KIRREL1: variants seen among roughly 807,000 people sequenced by gnomAD.
KIRREL1 encodes the protein kirre like nephrin family adhesion molecule 1, also known as kin of IRRE-like protein 1.
In KIRREL1, 25 loss-of-function variants were observed where a neutral mutation model predicts 83.3. The observed-to-expected ratio is 0.30, with a 90% CI of 0.22 to 0.42. The LOEUF (loss-of-function observed/expected upper bound fraction) is 0.42, where lower values mean the gene tolerates loss of function less well. Ranked by LOEUF, KIRREL1 falls within the 10% of genes least tolerant of loss-of-function variation. The pLI is 1.00. For synonymous variants in KIRREL1, 388 were observed against 410.4 expected, an observed-to-expected ratio of 0.95 and a Z score of 0.66; for missense variants, 812 against 1,032.3, an observed-to-expected ratio of 0.79 and a Z score of 2.92.
intron 1 of KIRREL1, among the ~76,000 whole-genome samples, chr1:158,042,060 G>A (rs537526435): frequency 9.2e-5 from 14 of 152,164 alleles, no homozygotes; most frequent in Non-Finnish European, 1.9e-4. Context: ...AACTTGTTCA[G>A]AGAACACTGT....
At position 158,078,088 on chromosome 1, in the gene KIRREL1, C is replaced by T; in HGVS notation, c.300C>T (p.Cys100=). Reference sequence around the variant, plus strand: ...TCTCTGACGACGCCTCTTACGAGTGCCAGGCCACGGAGGCCGCCCTGCGCT... The same window carrying T: ...TCTCTGACGACGCCTCTTACGAGTGTCAGGCCACGGAGGCCGCCCTGCGCT... The part of the protein sequence containing the change: ...AELSDDASYE[C]QATEAALRSR... Residue 100 remains cysteine, a synonymous_variant, in exon 3 of 15, where the codon TGC becomes TGT. Coordinates refer to ENST00000359209, the MANE Select transcript of KIRREL1 (RefSeq NM_018240.7). 6.2e-7 allele frequency: 1 copy of T among 1,614,138 alleles called. No homozygotes were observed. Among genetic ancestry groups the T allele is most frequent in the Non-Finnish European group, 8.5e-7 (1 of 1,180,012 alleles).
At chr1:158,010,361 A>ACCCC (rs1553236102) in intron 1 of KIRREL1, among the ~76,000 whole-genome samples, 3 of 51,560 alleles carry the variant, frequency 5.8e-5, no homozygotes, top group African/African-American at 1.4e-4. Flanking sequence ...ACACACACAC[A>ACCCC]CCCCACACAG....
At chr1:158,079,106 A>G (rs1661770039) in intron 3 of KIRREL1, among the ~76,000 whole-genome samples, 1 of 152,098 alleles carries the variant, frequency 6.6e-6, no homozygotes, top group Admixed American at 6.6e-5. Flanking sequence ...GACTCTGTCC[A>G]TCTGTGACTC....
chr1:158,008,026 G>GC (rs1187265952), intron 1 of KIRREL1, among the ~76,000 whole-genome samples: 1 of 152,086 alleles, frequency 6.6e-6, no homozygotes, highest in East Asian at 1.9e-4. Flanking sequence ...AAGCCGGGAG[G>GC]CCCCCCTCTC....
At chr1:158,057,529 G>T (rs12067491) in intron 1 of KIRREL1, among the ~76,000 whole-genome samples, 68 of 152,258 alleles carry the variant, frequency 4.5e-4, no homozygotes, top group African/African-American at 1.6e-3. Context: ...TCACCTAAAG[G>T]CTTGGGAACT....
intron 1 of KIRREL1, among the ~76,000 whole-genome samples, chr1:158,037,026 G>A (rs1326802997): frequency 3.9e-5 from 6 of 152,184 alleles, no homozygotes; most frequent in Non-Finnish European, 7.3e-5. Context: ...AGGGCCTCCC[G>A]TGTCTCCTTT....
intron 1 of KIRREL1, among the ~76,000 whole-genome samples, chr1:158,072,876 CAGGA>C (rs10583936): frequency 0.83 from 125,955 of 151,014 alleles, 53,043 homozygotes; most frequent in East Asian, 0.98. Flanking sequence ...GATCAGTTAG[CAGGA>C]AGGAAGGGGA....
At chr1:157,994,106 G>A (rs1287435316) in intron 1 of KIRREL1, among the ~76,000 whole-genome samples, 1 of 152,188 alleles carries the variant, frequency 6.6e-6, no homozygotes, top group Non-Finnish European at 1.5e-5. Context: ...CCAGCCTAAG[G>A]GCAAGGCTGG....
At chr1:158,006,237 T>C (rs530015720) in intron 1 of KIRREL1, among the ~76,000 whole-genome samples, 1 of 152,304 alleles carries the variant, frequency 6.6e-6, no homozygotes, top group East Asian at 1.9e-4. Flanking sequence ...ATGTTTGTCC[T>C]TTTTCTGAAG....
At position 158,089,606 on chromosome 1, in the gene KIRREL1, G is replaced by A; in HGVS notation, c.1149G>A (p.Arg383=). Reference sequence around the variant, plus strand: ...TGCCTCGAATCGGAGTGGCTGAGCGGGAGGTGCCGCTCTATGTGAACGGTG... The same window carrying A: ...TGCCTCGAATCGGAGTGGCTGAGCGAGAGGTGCCGCTCTATGTGAACGGTG... ...AIVPRIGVAE[R]EVPLYVNGPP... The change falls in exon 9 of 15, where the codon CGG becomes CGA. Residue 383 remains arginine, a synonymous_variant. Transcript: ENST00000359209. 6.2e-7 allele frequency: 1 copy of A among 1,613,832 alleles called. No homozygotes were observed. The highest frequency in any genetic ancestry group is 1.7e-5 in the Admixed American group (1 of 59,990).
rs1044806875 is a variant in KIRREL1, at chr1:158,100,092, C to T, written c.*4972C>T. 2.0e-5 allele frequency: 3 copies of T among 151,966 alleles called. No individual in the cohort carries two copies. The highest frequency in any genetic ancestry group is 4.4e-5 in the Non-Finnish European group (3 of 67,994). 9.4% of individuals were successfully genotyped at this position (151,966 alleles called of 1,614,324 possible). On this transcript the variant is annotated 3_prime_UTR_variant, in exon 15 of 15. Coordinates refer to ENST00000359209, the MANE Select transcript of KIRREL1 (RefSeq NM_018240.7). The stretch of plus-strand genomic sequence containing the variant: ...AGATATTATTTTTGTTAGGACAAAC[C>T]ATTGTAGGTTTTTAGCAATGTGTAT...
intron 1 of KIRREL1, among the ~76,000 whole-genome samples, chr1:158,037,622 C>G (rs1157801349): frequency 6.6e-6 from 1 of 151,914 alleles, no homozygotes; most frequent in Non-Finnish European, 1.5e-5. Context: ...AATAAATGAC[C>G]ATTATTTTAA....
At chr1:158,070,813 G>T (rs565893176) in intron 1 of KIRREL1, among the ~76,000 whole-genome samples, 127 of 152,204 alleles carry the variant, frequency 8.3e-4, no homozygotes, top group South Asian at 7.7e-3. Context: ...CTCACCTGGG[G>T]AAGAAGCACA....
intron 3 of KIRREL1, among the ~76,000 whole-genome samples, chr1:158,080,912 C>G (rs1306999618): frequency 6.7e-6 from 1 of 148,896 alleles, no homozygotes; most frequent in African/African-American, 2.5e-5. Context: ...GCTGGGGGAC[C>G]CAGAGACTAG....
intron 1 of KIRREL1, among the ~76,000 whole-genome samples, chr1:158,041,317 C>T (rs10796994): frequency 0.81 from 123,058 of 152,216 alleles, 50,317 homozygotes; most frequent in East Asian, 0.99. Context: ...CAGACAACTT[C>T]GTAAGGTGGT....
intron 1 of KIRREL1, among the ~76,000 whole-genome samples, chr1:158,037,223 C>G (rs963250495): frequency 6.6e-6 from 1 of 152,132 alleles, no homozygotes; most frequent in African/African-American, 2.4e-5. Flanking sequence ...GGCCGGGCGC[C>G]GTGGCTCACG....
intron 1 of KIRREL1, among the ~76,000 whole-genome samples, chr1:158,003,241 G>C (rs1390068080): frequency 6.6e-6 from 1 of 152,146 alleles, no homozygotes; most frequent in African/African-American, 2.4e-5. Context: ...AAGGAGCAGA[G>C]ATGGGCAGGC....
At chr1:158,089,653 C>A in intron 9 of KIRREL1, 25 bp downstream of exon 9, 1 of 1,612,982 alleles carries the variant, frequency 6.2e-7, no homozygotes, top group Non-Finnish European at 8.5e-7. Context: ...TGAGAGGCAG[C>A]CGGGCCTGGG....
intron 1 of KIRREL1, among the ~76,000 whole-genome samples, chr1:158,067,189 G>T (rs1341867181): frequency 6.6e-6 from 1 of 152,128 alleles, no homozygotes; most frequent in South Asian, 2.1e-4. Context: ...CTGGCAGGTC[G>T]CTTCAGGGAT....
Sources: gnomAD v4.1 joint callset for allele counts (sites outside exome capture counted in the v4.1 genomes callset) on GRCh38, gnomAD v4.1.1 for gene constraint, MANE v1.5 for transcripts, NCBI Gene and HGNC (gene_info 2026-07-23, HGNC 2026-07-21) for gene names.